Variants in LINGO1 observed in about 807,000 individuals in gnomAD.
LINGO1 encodes the protein leucine-rich repeat and immunoglobulin-like domain-containing nogo receptor-interacting protein 1.
Under a neutral mutation model 37.3 loss-of-function variants are expected in LINGO1, and 11 were observed. The ratio of observed to expected loss-of-function variants is 0.29; its 90% CI spans 0.19 to 0.49. The LOEUF is 0.49. Among genes scored for constraint, LINGO1 ranks in the 20% least tolerant of loss-of-function variants. The pLI is 0.99. For synonymous variants in LINGO1, 387 were observed against 403.0 expected (o/e 0.96, Z 0.48); for missense variants, 585 against 878.2 (o/e 0.67, Z 4.22).
chr15:77,755,944 A>C (rs2076414442), intron 1 of LINGO1, among the ~76,000 whole-genome samples: 1 of 151,968 alleles, frequency 6.6e-6, no homozygotes, highest in Non-Finnish European at 1.5e-5. Flanking sequence ...AACTGCTCCA[A>C]AGTTCTTCCT....
intron 2 of LINGO1, among the ~76,000 whole-genome samples, chr15:77,727,357 G>A (rs1425258206): frequency 6.6e-6 from 1 of 152,152 alleles, no homozygotes; most frequent in Non-Finnish European, 1.5e-5. Context: ...ATCAACAGAT[G>A]AACAGATAAA....
intron 1 of LINGO1, among the ~76,000 whole-genome samples, chr15:77,769,892 C>T (rs1293736513): frequency 6.6e-6 from 1 of 152,176 alleles, no homozygotes; most frequent in East Asian, 1.9e-4. Flanking sequence ...AATTCTGAGA[C>T]CTGATCTGCC....
intron 3 of LINGO1, chr15:77,648,241 C>T (rs1157301254): frequency 4.0e-6 from 1 of 248,782 alleles, no homozygotes; most frequent in African/African-American, 2.3e-5. Context: ...GTTCCAGGCA[C>T]TGTGCTAGAC....
chr15:77,691,860 C>G (rs955302237), intron 1 of LINGO1, among the ~76,000 whole-genome samples: 1 of 152,084 alleles, frequency 6.6e-6, no homozygotes, highest in African/African-American at 2.4e-5. Flanking sequence ...AAAATGAGTG[C>G]AGGTGGGGGT....
At chr15:77,701,277 C>G (rs1370468388), upstream of LINGO1, among the ~76,000 whole-genome samples, 2 of 152,168 alleles carry the variant, frequency 1.3e-5, no homozygotes, top group Non-Finnish European at 2.9e-5. Context: ...TCCTGGCTCT[C>G]CTCTCAGTGG....
At chr15:77,635,787 G>A (rs1337208482), upstream of LINGO1, among the ~76,000 whole-genome samples, 1 of 152,184 alleles carries the variant, frequency 6.6e-6, no homozygotes, top group Admixed American at 6.5e-5. Context: ...CTCAGACTAG[G>A]TGCTCCCAAG....
intron 2 of LINGO1, among the ~76,000 whole-genome samples, chr15:77,718,136 G>A (rs1169790019): frequency 6.6e-6 from 1 of 150,806 alleles, no homozygotes; most frequent in Non-Finnish European, 1.5e-5. Flanking sequence ...TCACTGACTC[G>A]CTACCACCCA....
At chr15:77,770,294 G>A (rs923776689) in intron 1 of LINGO1, among the ~76,000 whole-genome samples, 1 of 152,170 alleles carries the variant, frequency 6.6e-6, no homozygotes, top group African/African-American at 2.4e-5. Flanking sequence ...ACCACTTAAA[G>A]ATGTGGCAAC....
In LINGO1 at chr15:77,778,745, C is replaced by T. The variant is rs539254719; in HGVS notation, c.-257+8124G>A. Among the ~76,000 whole-genome samples, 14 of 152,296 alleles carry T rather than the reference C, an allele frequency of 9.2e-5. No homozygotes were observed. In the South Asian group the frequency reaches 2.7e-3, roughly 29 times the overall value. ...CTCCCTCCGGGATTATTTCAACAGC[C>T]TCCCCCTAGGGCTTCCTACTTCTGT... On this transcript the variant is annotated intron_variant, in intron 1 of 3. Transcript: ENST00000561686.
chr15:77,766,324 A>C (rs1267037170), intron 1 of LINGO1, among the ~76,000 whole-genome samples: 11 of 150,702 alleles, frequency 7.3e-5, no homozygotes, highest in African/African-American at 2.4e-4. Context: ...AAAACACACA[A>C]ACAGAGAGAG....
At chr15:77,671,505 A>T (rs1020879375) in intron 3 of LINGO1, among the ~76,000 whole-genome samples, 4 of 152,214 alleles carry the variant, frequency 2.6e-5, no homozygotes, top group Admixed American at 6.5e-5. Context: ...GATGACACAG[A>T]TGTCACAGAT....
At chr15:77,716,551 G>A (rs772143558) in intron 2 of LINGO1, among the ~76,000 whole-genome samples, 4 of 149,468 alleles carry the variant, frequency 2.7e-5, no homozygotes, top group African/African-American at 4.9e-5. Context: ...ACACACACAC[G>A]CACTCATACA....
chr15:77,717,197 T>C (rs892764860), intron 2 of LINGO1, among the ~76,000 whole-genome samples: 4 of 150,746 alleles, frequency 2.7e-5, no homozygotes, highest in Non-Finnish European at 3.0e-5. Context: ...CAGTTATTAG[T>C]TGATTTATTG....
chr15:77,770,776 T>C (rs1012124634), intron 1 of LINGO1, among the ~76,000 whole-genome samples: 1 of 152,090 alleles, frequency 6.6e-6, no homozygotes, highest in Non-Finnish European at 1.5e-5. Context: ...AGCCCTAAAC[T>C]GGCCAAGGCC....
intron 1 of LINGO1, among the ~76,000 whole-genome samples, chr15:77,735,749 T>C (rs974093825): frequency 6.6e-6 from 1 of 152,144 alleles, no homozygotes; most frequent in Admixed American, 6.5e-5. Context: ...ATGCTGCTGG[T>C]TGGGGATCAC....
intron 1 of LINGO1, among the ~76,000 whole-genome samples, chr15:77,814,820 G>A (rs530743630): frequency 2.0e-5 from 3 of 152,306 alleles, no homozygotes; most frequent in South Asian, 2.1e-4. Flanking sequence ...CAGAATCAGC[G>A]CCTAGGGTTT....
In LINGO1 at chr15:77,614,421, G is replaced by C; in HGVS notation, c.1486C>G (p.Leu496Val). Reference sequence around the variant, plus strand: ...CCGCCCGCGTTGGCCGCGATGCACAGGTACGTGCCGTTGTCCTGTACCTGG... The same window carrying C: ...CCGCCCGCGTTGGCCGCGATGCACACGTACGTGCCGTTGTCCTGTACCTGG... ...YAQVQDNGTY[L>V]CIAANAGGND... The change falls in exon 2 of 2, where the codon CTG (leucine) becomes GTG (valine). Residue 496 changes from leucine to valine, a missense_variant. Leu to Val is a conservative substitution (Grantham distance 32). Around this residue, in one of 4 missense-constraint regions of LINGO1, gnomAD observed 484 missense variants for 735.0 expected, o/e 0.66. Transcript: ENST00000355300. 2 of 1,612,444 alleles carry C rather than the reference G, an allele frequency of 1.2e-6. No homozygotes were observed. Among genetic ancestry groups the C allele is most frequent in the African/African-American group, 2.7e-5 (2 of 75,076 alleles).
chr15:77,627,706 G>A (rs2074136184), intron 1 of LINGO1, among the ~76,000 whole-genome samples: 1 of 152,140 alleles, frequency 6.6e-6, no homozygotes. Context: ...CCCATCCTGG[G>A]GTAAACACAA....
rs978608844 is a variant in LINGO1 at position 77,806,160 on chromosome 15, G to A, written c.-457-10107C>T. On this transcript the variant is annotated intron_variant, in intron 1 of 5. Transcript: ENST00000562933. ...CCACTGGTGAGTGCCACCTGACCAC[G>A]GAGGGCTTCCCGGCAGATAAAGAGC... 4.6e-5 allele frequency among the ~76,000 whole-genome samples: 7 copies of A among 152,168 alleles called. No homozygotes were observed. In the South Asian group the frequency reaches 1.2e-3, roughly 27 times the overall value.
Sources: allele counts gnomAD v4.1 joint callset (sites outside exome capture counted in the v4.1 genomes callset), GRCh38; gene constraint gnomAD v4.1.1; regional missense constraint gnomAD v4.1.1; transcripts MANE v1.5; gene names NCBI Gene and HGNC (gene_info 2026-07-23, HGNC 2026-07-21).